Variants in NDST4 observed in about 807,000 individuals in gnomAD.
The protein encoded by NDST4 is N-heparan sulfate sulfotransferase 4.
NDST4 carries 63 observed loss-of-function variants against 100.8 expected under a neutral mutation model. That is an observed-to-expected ratio of 0.62 (90% CI 0.51 to 0.77). The LOEUF (loss-of-function observed/expected upper bound fraction) is 0.77, where lower values mean the gene tolerates loss of function less well. NDST4 is among the 30% of genes least tolerant of loss of function. The pLI is 0.00. For synonymous variants in NDST4, 377 were observed against 361.8 expected (o/e 1.04, Z -0.48); for missense variants, 943 against 1,018.4 (o/e 0.93, Z 1.01).
Position 114,829,876 on chromosome 4 carries a change from C to T in NDST4, c.2413G>A (p.Gly805Ser). Residue 805 changes from glycine (G) to serine (S), a missense_variant, in exon 13 of 14, where the codon GGT (glycine) becomes AGT (serine). By Grantham distance (56) the Gly-to-Ser change is moderately conservative. Around this residue, in one of 2 missense-constraint regions of NDST4, gnomAD observed 526 missense variants for 634.1 expected, o/e 0.83. Coordinates refer to ENST00000264363, the MANE Select transcript of NDST4 (RefSeq NM_022569.3). ...CCTTCCAGTAATTGACACCAAAAAC[C>T]CTTTTGGGGATCAAACCTACAGTAC... ...SEALTFDPQK[G>S]FWCQLLEGGK... 1.2e-6 allele frequency: 2 copies of T among 1,610,152 alleles called. No homozygotes were observed. The highest frequency in any genetic ancestry group is 4.5e-5 in the East Asian group (2 of 44,612).
intron 3 of NDST4, among the ~76,000 whole-genome samples, chr4:114,971,078 A>G (rs936992562): frequency 2.6e-5 from 4 of 152,092 alleles, no homozygotes; most frequent in African/African-American, 9.7e-5. Flanking sequence ...CTGTAAGACC[A>G]TCTTCTAGAG....
At chr4:114,996,491 T>C (rs1432322803) in intron 2 of NDST4, among the ~76,000 whole-genome samples, 1 of 152,042 alleles carries the variant, frequency 6.6e-6, no homozygotes, top group African/African-American at 2.4e-5. Context: ...AATTCCCAAT[T>C]TTGTGTATGA....
In NDST4 at chr4:114,937,450, C is replaced by T. The variant is rs1168525760; in HGVS notation, c.1275G>A (p.Gly425=). ...MGYAVAPHHS[G]VYPVHIQLYA... The stretch of plus-strand genomic sequence containing the variant: ...ACAGCTGAATGTGAACCGGGTAGAC[C>T]CCTGAGTGATGTGGGGCCACAGCAT... The change falls in exon 5 of 14, where the codon GGG becomes GGA. Residue 425 remains glycine (G), a synonymous_variant. Transcript: ENST00000264363. 18 of 1,609,818 alleles carry T rather than the reference C, an allele frequency of 1.1e-5. No homozygotes were observed. The highest frequency in any genetic ancestry group is 3.4e-5 in the Admixed American group (2 of 59,578).
At chr4:114,991,045 A>G (rs576129533) in intron 2 of NDST4, among the ~76,000 whole-genome samples, 1 of 151,950 alleles carries the variant, frequency 6.6e-6, no homozygotes, top group South Asian at 2.1e-4. Flanking sequence ...AGGTCAAAAC[A>G]CCTCTGGCGA....
At chr4:115,022,929 T>A (rs555274048) in intron 2 of NDST4, among the ~76,000 whole-genome samples, 2 of 152,172 alleles carry the variant, frequency 1.3e-5, no homozygotes, top group South Asian at 4.1e-4. Flanking sequence ...TGAAAGACCA[T>A]TAAACTTATT....
At chr4:114,856,973 T>C (rs1462683041) in intron 7 of NDST4, among the ~76,000 whole-genome samples, 3 of 152,290 alleles carry the variant, frequency 2.0e-5, no homozygotes, top group South Asian at 4.1e-4. Context: ...TGTGCATTTA[T>C]TGAGTGATAC....
rs191798724 is a variant in NDST4, at chr4:114,860,407, G to T, written c.1720-7586C>A. Among the ~76,000 whole-genome samples the T allele has an allele frequency of 5.3e-3, 808 of 152,154 alleles. 4 individuals carry two copies. The highest frequency in any genetic ancestry group is 7.5e-3 in the Non-Finnish European group (513 of 67,972). ...CTTATTATGCAGATTCCCAGCTAGA[G>T]AGTATATTTCACACTCTTTCTTCAA... On this transcript the variant is annotated intron_variant, in intron 7 of 13. Transcript: ENST00000264363.
At chr4:114,891,906 G>A (rs1405246855) in intron 6 of NDST4, among the ~76,000 whole-genome samples, 3 of 151,986 alleles carry the variant, frequency 2.0e-5, no homozygotes, top group African/African-American at 7.2e-5. Flanking sequence ...CCTTACACAT[G>A]CTCTTGTCTG....
At chr4:115,084,937 A>G (rs1332211253) in intron 1 of NDST4, among the ~76,000 whole-genome samples, 1 of 152,034 alleles carries the variant, frequency 6.6e-6, no homozygotes, top group Non-Finnish European at 1.5e-5. Context: ...CATCCCCTAG[A>G]CCCCAGAATG....
chr4:115,002,682 G>A (rs1183250505), intron 2 of NDST4, among the ~76,000 whole-genome samples: 3 of 152,022 alleles, frequency 2.0e-5, no homozygotes, highest in Non-Finnish European at 4.4e-5. Flanking sequence ...ATTTCTCAAG[G>A]ATCTAGAAAC....
At chr4:115,077,867 CCTT>C (rs1219013088) in intron 1 of NDST4, among the ~76,000 whole-genome samples, 1 of 152,150 alleles carries the variant, frequency 6.6e-6, no homozygotes, top group African/African-American at 2.4e-5. Flanking sequence ...TAGGACTGCT[CCTT>C]CTTCTTGCAG....
At position 115,007,813 on chromosome 4, in the gene NDST4, A is replaced by T. The variant is rs1197059847; in HGVS notation, c.979-30539T>A. On this transcript the variant is annotated intron_variant, in intron 2 of 13. Transcript: ENST00000264363. The stretch of plus-strand genomic sequence containing the variant: ...CATTTCCCTTTGCTTCTCTGAAAGA[A>T]ATGTAACTGAGGCAAAGACCATCTG... 2.3e-5 allele frequency among the ~76,000 whole-genome samples: 3 copies of T among 129,812 alleles called. 1 individual carries two copies. Among genetic ancestry groups the T allele is most frequent in the East Asian group, 5.0e-4 (2 of 4,024 alleles). 85.2% of individuals were successfully genotyped at this position (129,812 alleles called of 152,430 possible). A position where few individuals can be genotyped will look rare whatever the true frequency, so the allele number is the denominator to read the frequency against.
Position 115,076,500 on chromosome 4 carries a change from G to A in NDST4, c.537C>T (p.Gly179=). ...ENSLPSTQLK[G]FPLNLFNNLA... ...GATTATTGAAAAGGTTTAACGGAAAGCCTTTTAATTGTGTACTTGGTAAGC... is the reference window on the plus strand; with the variant it reads ...GATTATTGAAAAGGTTTAACGGAAAACCTTTTAATTGTGTACTTGGTAAGC... Residue 179 remains glycine (G), a synonymous_variant, in exon 2 of 14, where the codon GGC becomes GGT. Transcript: ENST00000264363. The A allele has an allele frequency of 6.2e-7, 1 of 1,613,904 alleles. No individual in the cohort carries two copies. Among genetic ancestry groups the A allele is most frequent in the Admixed American group, 1.7e-5 (1 of 59,998 alleles).
intron 4 of NDST4, among the ~76,000 whole-genome samples, chr4:114,967,489 G>T (rs1726409144): frequency 6.6e-6 from 1 of 151,970 alleles, no homozygotes; most frequent in South Asian, 2.1e-4. Context: ...TCTTAAAAAA[G>T]AAATTACACA....
chr4:114,900,894 T>C (rs60920818), intron 6 of NDST4, among the ~76,000 whole-genome samples: 1 of 152,112 alleles, frequency 6.6e-6, no homozygotes, highest in African/African-American at 2.4e-5. Flanking sequence ...AAATTTCTTC[T>C]TTGACCCATG....
intron 2 of NDST4, among the ~76,000 whole-genome samples, chr4:114,991,902 A>C (rs1423850563): frequency 6.6e-6 from 1 of 151,976 alleles, no homozygotes; most frequent in African/African-American, 2.4e-5. Flanking sequence ...TTATTTGTAC[A>C]TATGCCTTCA....
At chr4:115,012,661 C>A (rs1337327099) in intron 2 of NDST4, among the ~76,000 whole-genome samples, 1 of 151,920 alleles carries the variant, frequency 6.6e-6, no homozygotes, top group Non-Finnish European at 1.5e-5. Context: ...AATAGAACTA[C>A]CATATGATCC....
At chr4:114,836,815 C>A (rs1723314646) in intron 11 of NDST4, among the ~76,000 whole-genome samples, 1 of 152,028 alleles carries the variant, frequency 6.6e-6, no homozygotes, top group Non-Finnish European at 1.5e-5. Flanking sequence ...TTGTTCATTC[C>A]TTTTTATTCT....
At chr4:115,096,688 A>G (rs1729627196) in intron 1 of NDST4, among the ~76,000 whole-genome samples, 1 of 152,088 alleles carries the variant, frequency 6.6e-6, no homozygotes, top group Admixed American at 6.6e-5. Flanking sequence ...ATGTAGCAAT[A>G]ATATTTTCCT....
Sources: allele counts gnomAD v4.1 joint callset (sites outside exome capture counted in the v4.1 genomes callset), GRCh38; gene constraint gnomAD v4.1.1; regional missense constraint gnomAD v4.1.1; transcripts MANE v1.5; gene names NCBI Gene and HGNC (gene_info 2026-07-23, HGNC 2026-07-21).